Variants in ABCB5 observed in about 807,000 individuals in gnomAD.
ABCB5 encodes the protein ATP binding cassette subfamily B member 5, also known as ATP-binding cassette sub-family B member 5.
In ABCB5, 155 loss-of-function variants were observed where a neutral mutation model predicts 144.2. The observed-to-expected ratio is 1.08, with a 90% CI of 0.94 to 1.23. The LOEUF (loss-of-function observed/expected upper bound fraction) is 1.23, where lower values mean the gene tolerates loss of function less well. Among genes scored for constraint, ABCB5 ranks in the 50% most tolerant of loss-of-function variants. The probability of loss-of-function intolerance (pLI) is 0.00; values close to 1 mark genes in which losing one functional copy is unlikely to be tolerated. For missense variants in ABCB5, 1,830 were observed against 1,520.8 expected (o/e 1.20, Z -3.38); for synonymous variants, 610 against 528.6 (o/e 1.15, Z -2.11).
Position 20,722,923 on chromosome 7 carries a change from A to G in ABCB5, c.2422-93A>G, listed in dbSNP as rs1781919150. 9 of 1,080,762 alleles carry G rather than the reference A, an allele frequency of 8.3e-6. No individual in the cohort carries two copies. In the South Asian group the frequency reaches 1.2e-4, roughly 15 times the overall value. The allele number at this position is 1,080,762 out of a possible 1,614,324, so 66.9% of individuals were successfully genotyped here. ...ATTTAAGTATAAATTCTTTTTTTAA[A>G]AAGTCTACCTTGTTTTGCAAGGAAC... On this transcript the variant is annotated intron_variant, in intron 20 of 27. Transcript: ENST00000404938.
chr7:20,625,344 C>G (rs556825782), intron 2 of ABCB5, among the ~76,000 whole-genome samples: 61 of 152,208 alleles, frequency 4.0e-4, no homozygotes, highest in African/African-American at 1.4e-3. Context: ...TAAACTGTTC[C>G]CTACAGTCTT....
chr7:20,741,957 C>A (rs1782573885), intron 24 of ABCB5, among the ~76,000 whole-genome samples: 1 of 152,202 alleles, frequency 6.6e-6, no homozygotes, highest in Admixed American at 6.5e-5. Context: ...TCTGGAAAGT[C>A]TTTTTTAAAC....
chr7:20,684,841 G>A (rs1260830589), intron 15 of ABCB5, among the ~76,000 whole-genome samples: 2 of 152,250 alleles, frequency 1.3e-5, no homozygotes, highest in East Asian at 3.9e-4. Context: ...TTCTCCTTGT[G>A]CACCTAAATC....
At chr7:20,689,735 C>T (rs189865686) in intron 16 of ABCB5, among the ~76,000 whole-genome samples, 26 of 152,178 alleles carry the variant, frequency 1.7e-4, no homozygotes, top group Admixed American at 1.7e-3. Context: ...GGAAGAAAAA[C>T]CTCCTCCTGC....
In ABCB5 at chr7:20,699,913, T is replaced by C. The variant is rs1187067133; in HGVS notation, c.2243T>C (p.Val748Ala). 6.2e-7 allele frequency: 1 copy of C among 1,612,388 alleles called. No individual in the cohort carries two copies. The highest frequency in any genetic ancestry group is 8.5e-7 in the Non-Finnish European group (1 of 1,179,030). The change falls in exon 18 of 28, where the codon GTC becomes GCC. Residue 748 changes from valine (V) to alanine (A), a missense_variant. By Grantham distance (64) the Val-to-Ala change is moderately conservative. Coordinates refer to ENST00000404938, the MANE Select transcript of ABCB5 (RefSeq NM_001163941.2). ...IFVILGVICF[V>A]SYFMQGLFYG... is the part of the protein sequence containing the mutation. ...GTCATTTTGGGTGTTATTTGCTTTG[T>C]CAGTTATTTCATGCAGGTAAGCTTT...
intron 16 of ABCB5, among the ~76,000 whole-genome samples, chr7:20,694,845 A>G (rs1437552964): frequency 1.3e-5 from 2 of 152,214 alleles, no homozygotes; most frequent in African/African-American, 4.8e-5. Context: ...TTTATGTACA[A>G]TAGTACCAAA....
chr7:20,625,917 G>A (rs75558592), intron 2 of ABCB5, among the ~76,000 whole-genome samples: 16,746 of 152,162 alleles, frequency 0.11, 1,219 homozygotes, highest in Non-Finnish European at 0.15. Flanking sequence ...ACAAAACGTG[G>A]CAAAAACATA....
chr7:20,624,275 G>A (rs75396930), intron 2 of ABCB5, among the ~76,000 whole-genome samples: 8,532 of 152,242 alleles, frequency 0.056, 341 homozygotes, highest in South Asian at 0.13. Context: ...CATTGTAACT[G>A]TACAGTTAAG....
chr7:20,659,963 T>A, intron 14 of ABCB5: 1 of 985,276 alleles, frequency 1.0e-6, no homozygotes, highest in Non-Finnish European at 1.2e-6. Flanking sequence ...GGATTACAGG[T>A]GTGCGTCTCC....
intron 9 of ABCB5, 136 bp from the exon 10 acceptor site, chr7:20,647,399 G>C (rs1472252031): frequency 1.4e-6 from 2 of 1,382,170 alleles, no homozygotes; most frequent in Non-Finnish European, 1.9e-6. Flanking sequence ...TTTTTATTTG[G>C]TCATATCTTC....
chr7:20,633,069 C>CAATA (rs1234362312), intron 5 of ABCB5, among the ~76,000 whole-genome samples: 2 of 135,498 alleles, frequency 1.5e-5, no homozygotes, highest in Admixed American at 1.5e-4. Context: ...CATTAAAAAT[C>CAATA]AACAAATAGT....
At chr7:20,621,934 A>G (rs1372417075) in intron 1 of ABCB5, among the ~76,000 whole-genome samples, 1 of 152,134 alleles carries the variant, frequency 6.6e-6, no homozygotes, top group Admixed American at 6.5e-5. Context: ...CTCTTTTTAA[A>G]AAGAGTGTTT....
chr7:20,726,953 C>T, intron 21 of ABCB5, 87 bp from the exon 22 acceptor site: 1 of 805,156 alleles, frequency 1.2e-6, no homozygotes, highest in South Asian at 2.3e-5. Context: ...TTAATATGTC[C>T]CCAGTGTGAG....
intron 22 of ABCB5, among the ~76,000 whole-genome samples, chr7:20,727,617 C>T (rs1782077803): frequency 1.3e-5 from 2 of 152,032 alleles, no homozygotes; most frequent in Non-Finnish European, 2.9e-5. Flanking sequence ...CACTTGTAGT[C>T]CCAGCTACTT....
rs756540270 is a variant in ABCB5, at chr7:20,742,975, G to A, written c.3123G>A (p.Glu1041=). The A allele has an allele frequency of 1.2e-6, 2 of 1,614,126 alleles. No individual in the cohort carries two copies. Among genetic ancestry groups the A allele is most frequent in the Admixed American group, 3.3e-5 (2 of 60,022 alleles). The change falls in exon 25 of 28, where the codon GAG becomes GAA. Residue 1041 remains glutamate (E), a synonymous_variant. Transcript: ENST00000404938. The stretch of plus-strand genomic sequence containing the variant: ...TCCGTGGCTTATCCCTCAGTATTGA[G>A]CGAGGAAAGACAGTAGCATTTGTGG... ...FILRGLSLSI[E]RGKTVAFVGS...
At chr7:20,670,822 T>A (rs573519671) in intron 14 of ABCB5, among the ~76,000 whole-genome samples, 25 of 152,240 alleles carry the variant, frequency 1.6e-4, no homozygotes, top group African/African-American at 5.3e-4. Context: ...GGCAGGAGAA[T>A]CGCTTGAACC....
chr7:20,727,080 C>T lies in ABCB5; in HGVS notation c.2666C>T (p.Ser889Leu), dbSNP rs201875551. 1.3e-5 allele frequency: 21 copies of T among 1,613,374 alleles called. No homozygotes were observed. Among genetic ancestry groups the T allele is most frequent in the Non-Finnish European group, 1.7e-5 (20 of 1,179,710 alleles). ...TTGGAGAATATACGTACTATAGTGTCATTAACAAGGGAAAAAGCCTTCGAG... is the reference window on the plus strand; with the variant it reads ...TTGGAGAATATACGTACTATAGTGTTATTAACAAGGGAAAAAGCCTTCGAG... Reference protein sequence around the residue: ...EALENIRTIVSLTREKAFEQM... With the variant: ...EALENIRTIVLLTREKAFEQM... The change falls in exon 22 of 28, where the codon TCA (serine) becomes TTA (leucine). Residue 889 changes from serine (S) to leucine (L), a missense_variant. Physicochemically the swap from Ser to Leu is moderately radical, Grantham distance 145. Coordinates refer to ENST00000404938, the MANE Select transcript of ABCB5 (RefSeq NM_001163941.2).
intron 13 of ABCB5, among the ~76,000 whole-genome samples, chr7:20,657,093 G>C (rs2128029053): frequency 6.6e-6 from 1 of 151,738 alleles, no homozygotes; most frequent in East Asian, 1.9e-4. Flanking sequence ...ATTTTTTGTA[G>C]AGACAGGGTT....
chr7:20,696,386 G>A lies in ABCB5; in HGVS notation c.2011-2021G>A, dbSNP rs146111547. 2.6e-5 allele frequency among the ~76,000 whole-genome samples: 4 copies of A among 152,164 alleles called. No homozygotes were observed. The South Asian group carries it at 8.3e-4, about 32-fold the overall frequency. ...GCAAACTAATCTATAGTGACTGAAA[G>A]CATATCAGTAGTTGCAGGAGGAAGG... On this transcript the variant is annotated intron_variant, in intron 16 of 27. Coordinates refer to ENST00000404938, the MANE Select transcript of ABCB5 (RefSeq NM_001163941.2).
Sources: gnomAD v4.1 joint callset for allele counts (sites outside exome capture counted in the v4.1 genomes callset) on GRCh38, gnomAD v4.1.1 for gene constraint, MANE v1.5 for transcripts, NCBI Gene and HGNC (gene_info 2026-07-23, HGNC 2026-07-21) for gene names.